Variants in SSB observed in about 807,000 individuals in gnomAD.
SSB encodes lupus La protein.
SSB carries 17 observed loss-of-function variants against 52.9 expected under a neutral mutation model. That is an observed-to-expected ratio of 0.32 (90% CI 0.22 to 0.48). SSB has a LOEUF of 0.48. Ranked by LOEUF, SSB falls within the 20% of genes least tolerant of loss-of-function variation. The pLI, the probability that SSB is intolerant of heterozygous loss-of-function variation, is 0.99. For synonymous variants in SSB, 111 were observed against 152.1 expected (o/e 0.73, Z 1.99); for missense variants, 314 against 463.6 (o/e 0.68, Z 2.96).
In SSB at chr2:169,811,166, C is replaced by T. The variant is rs377227610; in HGVS notation, c.998-17C>T. 260 of 1,603,544 alleles carry T rather than the reference C, an allele frequency of 1.6e-4. No individual in the cohort carries two copies. The highest frequency in any genetic ancestry group is 1.2e-3 in the Middle Eastern group (7 of 6,026). On this transcript the variant is annotated splice_polypyrimidine_tract_variant and intron_variant, in intron 10 of 11. Coordinates refer to ENST00000260956, the MANE Select transcript of SSB (RefSeq NM_003142.5). The stretch of plus-strand genomic sequence containing the variant: ...TAAAAAAAGTTCTTTACAGAGTGCT[C>T]AATTGTGTCTCTACAGGTCGTAGAT...
At chr2:169,811,534 G>A (rs1689956052) in intron 11 of SSB, 134 bp from the exon 12 acceptor site, 1 of 1,358,782 alleles carries the variant, frequency 7.4e-7, no homozygotes, top group South Asian at 1.5e-5. Context: ...TGTACTAAGA[G>A]AAAAGCCTTT....
chr2:169,809,099 G>A, intron 8 of SSB, 197 bp downstream of exon 8: 1 of 593,960 alleles, frequency 1.7e-6, no homozygotes, highest in Non-Finnish European at 3.1e-6. Context: ...ATATGGAAAA[G>A]GCCGGGTGCA....
At chr2:169,806,688 T>G (rs1689835808) in intron 4 of SSB, 97 bp from the exon 5 acceptor site, 1 of 980,104 alleles carries the variant, frequency 1.0e-6, no homozygotes, top group African/African-American at 1.6e-5. Flanking sequence ...AGGTATATCC[T>G]GGGTTCATTT....
intron 9 of SSB, 81 bp downstream of exon 9, chr2:169,810,504 T>TA (rs1232247619): frequency 1.8e-5 from 24 of 1,303,624 alleles, no homozygotes; most frequent in Non-Finnish European, 1.1e-5. Context: ...AAAGTAATTT[T>TA]AAAAATTGTG....
At position 169,810,420 on chromosome 2, in the gene SSB, AG is replaced by A; in HGVS notation, c.808del (p.Glu270ArgfsTer3). On this transcript the variant is annotated frameshift_variant and splice_region_variant, in exon 9 of 12. Coordinates refer to ENST00000260956, the MANE Select transcript of SSB (RefSeq NM_003142.5). LOFTEE classifies it high-confidence loss of function. Reference sequence around the variant, plus strand: ...GGATAGACTTCGTCAGAGGAGCAAAAGAGGTTTGGATACATCCCTATCCTTT... The same window carrying A: ...GGATAGACTTCGTCAGAGGAGCAAAAAGGTTTGGATACATCCCTATCCTTT... ...KWIDFVRGAK[E>X]GIILFKEKAK... 6.2e-7 allele frequency: 1 copy of A among 1,607,250 alleles called. No individual in the cohort carries two copies. Among genetic ancestry groups the A allele is most frequent in the East Asian group, 2.2e-5 (1 of 44,522 alleles).
At chr2:169,800,041 T>A (rs546006642) in intron 1 of SSB, among the ~76,000 whole-genome samples, 2 of 152,352 alleles carry the variant, frequency 1.3e-5, no homozygotes, top group Admixed American at 6.5e-5. Flanking sequence ...AACAGGAAAC[T>A]GGCTATCCAA....
chr2:169,810,481 A>C, intron 9 of SSB, 58 bp downstream of exon 9: 1 of 1,473,762 alleles, frequency 6.8e-7, no homozygotes, highest in Non-Finnish European at 9.2e-7. Flanking sequence ...AGAAACTTAG[A>C]CAAAATTAGT....
chr2:169,808,941 C>T (rs751328540), intron 8 of SSB, 39 bp downstream of exon 8: 158 of 1,511,640 alleles, frequency 1.0e-4, no homozygotes, highest in Non-Finnish European at 1.4e-4. Flanking sequence ...ATCTGTAATT[C>T]GAAGTTAAAT....
Position 169,811,840 on chromosome 2 carries a change from G to T in SSB, c.*84G>T. 1 of 1,613,520 alleles carries T rather than the reference G, an allele frequency of 6.2e-7. No homozygotes were observed. Among genetic ancestry groups the T allele is most frequent in the Non-Finnish European group, 8.5e-7 (1 of 1,179,766 alleles). On this transcript the variant is annotated 3_prime_UTR_variant, in exon 12 of 12. Coordinates refer to ENST00000260956, the MANE Select transcript of SSB (RefSeq NM_003142.5). ...GGCTTTTAAAAGGAAAACCGAATTA[G>T]GTCCACTTCAATGTCCACCTGTGAG...
chr2:169,799,068 G>A (rs1487283368), intron 1 of SSB, 92 bp downstream of exon 1: 2 of 152,116 alleles, frequency 1.3e-5, no homozygotes, highest in East Asian at 3.9e-4. Flanking sequence ...TGCTTCTCGC[G>A]GCGTCCGTCC....
At chr2:169,807,237 G>C (rs1689847957) in intron 6 of SSB, among the ~76,000 whole-genome samples, 166 bp downstream of exon 6, 2 of 152,042 alleles carry the variant, frequency 1.3e-5, no homozygotes, top group Non-Finnish European at 2.9e-5. Flanking sequence ...AGTCTTTTGA[G>C]ACTATAAGAA....
rs780215870 is a variant in SSB, at chr2:169,810,272, T to A, written c.670-11T>A. On this transcript the variant is annotated splice_polypyrimidine_tract_variant and intron_variant, in intron 8 of 11. Coordinates refer to ENST00000260956, the MANE Select transcript of SSB (RefSeq NM_003142.5). ...TAAGAAACTTTTTGATCACTTTGTATATTTTTATAGAAATCTCTAGAAGAA... is the reference window on the plus strand; with the variant it reads ...TAAGAAACTTTTTGATCACTTTGTAAATTTTTATAGAAATCTCTAGAAGAA... The A allele has an allele frequency of 3.1e-6, 5 of 1,593,720 alleles. No individual in the cohort carries two copies. Among genetic ancestry groups the A allele is most frequent in the Non-Finnish European group, 4.3e-6 (5 of 1,173,394 alleles).
In SSB at chr2:169,807,013, A is replaced by G. The variant is rs760452732; in HGVS notation, c.496A>G (p.Lys166Glu). The stretch of plus-strand genomic sequence containing the variant: ...GTTTGATAGCATTGAATCTGCTAAG[A>G]AATTTGTAGAGACCCCTGGCCAGAA... ...VVFDSIESAKKFVETPGQKYK... is the reference protein window; with the variant it reads ...VVFDSIESAKEFVETPGQKYK... The change falls in exon 6 of 12, where the codon AAA becomes GAA. Residue 166 changes from lysine to glutamate, a missense_variant. Coordinates refer to ENST00000260956, the MANE Select transcript of SSB (RefSeq NM_003142.5). 4 of 1,613,974 alleles carry G rather than the reference A, an allele frequency of 2.5e-6. No homozygotes were observed. In the East Asian group the frequency reaches 8.9e-5, roughly 36 times the overall value.
chr2:169,803,765 G>C (rs905504238), intron 2 of SSB, among the ~76,000 whole-genome samples: 8 of 151,654 alleles, frequency 5.3e-5, no homozygotes, highest in Admixed American at 6.6e-5. Flanking sequence ...CAGAGAGACA[G>C]TATTGCTCTC....
At chr2:169,803,718 C>T (rs750682361) in intron 2 of SSB, among the ~76,000 whole-genome samples, 1 of 151,544 alleles carries the variant, frequency 6.6e-6, no homozygotes, top group African/African-American at 2.4e-5. Flanking sequence ...AAGCAAGACC[C>T]GATCCCTGAA....
In SSB at chr2:169,800,534, C is replaced by CAAAAAAAAAAAAAA. The variant is rs59743225; in HGVS notation, c.-9-412_-9-399dup. 8.4e-4 allele frequency among the ~76,000 whole-genome samples: 66 copies of CAAAAAAAAAAAAAA among 78,270 alleles called. 3 individuals carry two copies. The highest frequency in any genetic ancestry group is 3.4e-3 in the African/African-American group (61 of 17,704). 51.3% of individuals were successfully genotyped at this position (78,270 alleles called of 152,430 possible). ...GGGCAACAAAAGCGAGACTCCGTCTCAAAAAAAAAAAAAAAAAAAGAGGTG... is the reference window on the plus strand; with the variant it reads ...GGGCAACAAAAGCGAGACTCCGTCTCAAAAAAAAAAAAAAAAAAAAAAAAAAAAAAAAAGAGGTG... On this transcript the variant is annotated intron_variant, in intron 1 of 11. Transcript: ENST00000260956.
intron 1 of SSB, 134 bp from the exon 2 acceptor site, chr2:169,800,818 A>G: frequency 1.7e-6 from 1 of 587,114 alleles, no homozygotes; most frequent in African/African-American, 1.9e-5. Flanking sequence ...AACTGAGTAA[A>G]GAAACTGAAC....
At chr2:169,807,390 G>A (rs1689850991) in intron 6 of SSB, among the ~76,000 whole-genome samples, 1 of 152,014 alleles carries the variant, frequency 6.6e-6, no homozygotes, top group Non-Finnish European at 1.5e-5. Flanking sequence ...CTGGGTTCAA[G>A]CGATTCTCCT....
Position 169,811,322 on chromosome 2 carries a change from T to C in SSB, c.1137T>C (p.Thr379=), listed in dbSNP as rs754157075. Residue 379 remains threonine (T), a splice_region_variant and synonymous_variant, in exon 11 of 12, where the codon ACT becomes ACC. Transcript: ENST00000260956. ...EHDEHDENGA[T]GPVKRAREET... Reference sequence around the variant, plus strand: ...ATGAACATGATGAAAATGGTGCAACTGGTAAGTTTTTTTTAAGTCCTTTGG... The same window carrying C: ...ATGAACATGATGAAAATGGTGCAACCGGTAAGTTTTTTTTAAGTCCTTTGG... 1.8e-5 allele frequency: 28 copies of C among 1,570,514 alleles called. No individual in the cohort carries two copies. The East Asian group carries it at 5.5e-4, about 31-fold the overall frequency.
Sources: allele counts gnomAD v4.1 joint callset (sites outside exome capture counted in the v4.1 genomes callset), GRCh38; gene constraint gnomAD v4.1.1; transcripts MANE v1.5; gene names NCBI Gene and HGNC (gene_info 2026-07-23, HGNC 2026-07-21).